The following GPR160 variants were observed in gnomAD, a reference collection of about 807,000 sequenced individuals.
The protein encoded by GPR160 is probable G protein-coupled receptor 160.
In GPR160, 2 loss-of-function variants were observed where a neutral mutation model predicts 2.6. The observed-to-expected ratio is 0.77, with a 90% CI of 0.32 to 2.44. The LOEUF (loss-of-function observed/expected upper bound fraction) is 2.44, where lower values mean the gene tolerates loss of function less well. GPR160 is among the 30% of genes most tolerant of loss of function. The probability of loss-of-function intolerance (pLI) is 0.11; values close to 1 mark genes in which losing one functional copy is unlikely to be tolerated. For synonymous variants in GPR160, 130 were observed against 132.2 expected, an observed-to-expected ratio of 0.98 and a Z score of 0.12; for missense variants, 351 against 383.6, an observed-to-expected ratio of 0.91 and a Z score of 0.71.
rs1161096346 is a variant in GPR160, at chr3:170,038,256, C to T, written c.-322+41C>T. 6.6e-6 allele frequency: 1 copy of T among 152,130 alleles called. No individual in the cohort carries two copies. Among genetic ancestry groups the T allele is most frequent in the African/African-American group, 2.4e-5 (1 of 41,454 alleles). 9.4% of individuals were successfully genotyped at this position (152,130 alleles called of 1,614,324 possible). A position where few individuals can be genotyped will look rare whatever the true frequency, so the allele number is the denominator to read the frequency against. On this transcript the variant is annotated intron_variant, in intron 1 of 3. Coordinates refer to ENST00000355897, the MANE Select transcript of GPR160 (RefSeq NM_014373.3). The surrounding 1 kb of genome is among the most constrained non-coding windows in gnomAD (Gnocchi z 5.3). Reference sequence around the variant, plus strand: ...GGTGGAGGGCGCCCGGCGCTCTCGCCACCGGCGTCCCAGCCTCGGGGCGGC... The same window carrying T: ...GGTGGAGGGCGCCCGGCGCTCTCGCTACCGGCGTCCCAGCCTCGGGGCGGC...
chr3:170,046,485 C>A (rs1277093009), intron 2 of GPR160, among the ~76,000 whole-genome samples: 1 of 152,174 alleles, frequency 6.6e-6, no homozygotes, highest in Non-Finnish European at 1.5e-5. Flanking sequence ...GCCAGGTCTT[C>A]TGGGCAGCCA....
intron 2 of GPR160, among the ~76,000 whole-genome samples, chr3:170,069,087 G>A (rs1197540689): frequency 6.6e-6 from 1 of 152,178 alleles, no homozygotes; most frequent in East Asian, 1.9e-4. Context: ...CCTGTTATCA[G>A]TATGATGCTC....
chr3:170,043,616 A>G (rs1168982389), intron 2 of GPR160, among the ~76,000 whole-genome samples: 1 of 152,170 alleles, frequency 6.6e-6, no homozygotes, highest in Non-Finnish European at 1.5e-5. Flanking sequence ...GCTCTGTCAG[A>G]TTTGACAGTC....
intron 2 of GPR160, among the ~76,000 whole-genome samples, chr3:170,070,508 T>C (rs1712538416): frequency 6.6e-6 from 1 of 152,230 alleles, no homozygotes; most frequent in Non-Finnish European, 1.5e-5. Flanking sequence ...AGTTTCCAAA[T>C]TTTATCATTC....
At position 170,084,682 on chromosome 3, in the gene GPR160, A is replaced by C. The variant is rs758830676; in HGVS notation, c.710A>C (p.Lys237Thr). The change falls in exon 4 of 4, where the codon AAA becomes ACA. Residue 237 changes from lysine to threonine, a missense_variant. By Grantham distance (78) the Lys-to-Thr change is moderately conservative. Transcript: ENST00000355897. The part of the protein sequence containing the change: ...SSHSSYTVRS[K>T]KIFLSKLIVC... ...CACTCCAGTTATACTGTGAGATCTAAAAAAATATTCTTATCCAAGCTCATT... is the reference window on the plus strand; with the variant it reads ...CACTCCAGTTATACTGTGAGATCTACAAAAATATTCTTATCCAAGCTCATT... 5.6e-6 allele frequency: 9 copies of C among 1,611,936 alleles called. No homozygotes were observed. In the East Asian group the frequency reaches 2.0e-4, roughly 36 times the overall value.
At chr3:170,054,922 T>G (rs1484450868) in intron 2 of GPR160, among the ~76,000 whole-genome samples, 1 of 152,080 alleles carries the variant, frequency 6.6e-6, no homozygotes, top group Non-Finnish European at 1.5e-5. Flanking sequence ...GCCTCCCTAG[T>G]AGCTGGGATT....
intron 2 of GPR160, among the ~76,000 whole-genome samples, chr3:170,042,667 A>G (rs985651117): frequency 6.9e-6 from 1 of 144,058 alleles, no homozygotes; most frequent in African/African-American, 2.6e-5. Flanking sequence ...CATCTCTACA[A>G]AAAAAAAAAA....
intron 2 of GPR160, among the ~76,000 whole-genome samples, chr3:170,078,354 G>C (rs1467757125): frequency 6.6e-6 from 1 of 152,100 alleles, no homozygotes; most frequent in Non-Finnish European, 1.5e-5. Flanking sequence ...TGCCACAGAG[G>C]AGACAGAGGT....
At chr3:170,073,957 C>T (rs548350902) in intron 2 of GPR160, among the ~76,000 whole-genome samples, 11 of 141,612 alleles carry the variant, frequency 7.8e-5, no homozygotes, top group East Asian at 4.2e-4. Context: ...GGCACAATCT[C>T]GGCTCACTGC....
intron 2 of GPR160, among the ~76,000 whole-genome samples, chr3:170,064,893 A>T (rs953279955): frequency 1.3e-5 from 2 of 152,176 alleles, no homozygotes; most frequent in Non-Finnish European, 2.9e-5. Context: ...GTCCCAGGTA[A>T]ATCTGAATGG....
intron 2 of GPR160, among the ~76,000 whole-genome samples, chr3:170,041,446 C>T (rs965824650): frequency 6.6e-6 from 1 of 152,020 alleles, no homozygotes; most frequent in Non-Finnish European, 1.5e-5. Flanking sequence ...GGACTACAGG[C>T]GCCCGCCACC....
intron 2 of GPR160, among the ~76,000 whole-genome samples, chr3:170,054,278 A>G (rs1711528372): frequency 6.6e-6 from 1 of 152,068 alleles, no homozygotes. Context: ...AAAGAAGACC[A>G]TCCCAGGCAG....
At chr3:170,043,411 G>A (rs1184734564) in intron 2 of GPR160, among the ~76,000 whole-genome samples, 3 of 152,046 alleles carry the variant, frequency 2.0e-5, no homozygotes, top group Non-Finnish European at 1.5e-5. Flanking sequence ...CGGAACTCTC[G>A]ACCTCAGGTG....
At chr3:170,076,836 A>G (rs372666104) in intron 2 of GPR160, among the ~76,000 whole-genome samples, 53 of 147,124 alleles carry the variant, frequency 3.6e-4, no homozygotes, top group African/African-American at 1.3e-3. Flanking sequence ...GAGCCACCAC[A>G]TGTTGGTTTT....
At chr3:170,081,869 TC>T (rs1201436787) in intron 3 of GPR160, among the ~76,000 whole-genome samples, 1 of 152,232 alleles carries the variant, frequency 6.6e-6, no homozygotes, top group Non-Finnish European at 1.5e-5. Flanking sequence ...GATGATGGAC[TC>T]CAACTCCATC....
intron 2 of GPR160, among the ~76,000 whole-genome samples, chr3:170,069,146 C>T (rs2108336746): frequency 6.6e-6 from 1 of 152,324 alleles, no homozygotes; most frequent in Non-Finnish European, 1.5e-5. Flanking sequence ...TTATCTTCCC[C>T]AGAGGGGAAA....
intron 2 of GPR160, among the ~76,000 whole-genome samples, chr3:170,067,946 C>T (rs183450522): frequency 7.6e-4 from 115 of 152,176 alleles, no homozygotes; most frequent in African/African-American, 2.5e-3. Context: ...AAACTGGCAG[C>T]TGGATTCAGA....
In GPR160 at chr3:170,084,387, TATTTC is replaced by T; in HGVS notation, c.416_420del (p.Tyr139PhefsTer79). Reference sequence around the variant, plus strand: ...TTCATTTAAGTGTCAAAAATTATTTTATTTCTTTACAGTAATTTTAATTTGGATTT... The same window carrying T: ...TTCATTTAAGTGTCAAAAATTATTTTTTTACAGTAATTTTAATTTGGATTT... On this transcript the variant is annotated frameshift_variant, in exon 4 of 4. Transcript: ENST00000355897. LOFTEE classifies it low-confidence loss of function (END_TRUNC). 1 of 1,607,580 alleles carries T rather than the reference TATTTC, an allele frequency of 6.2e-7. No individual in the cohort carries two copies. The highest frequency in any genetic ancestry group is 8.5e-7 in the Non-Finnish European group (1 of 1,174,672).
chr3:170,073,146 C>T (rs1238986347), intron 2 of GPR160, among the ~76,000 whole-genome samples: 1 of 151,942 alleles, frequency 6.6e-6, no homozygotes, highest in Admixed American at 6.6e-5. Context: ...TTTGATTGCA[C>T]CACAGCACTC....
Sources: gnomAD v4.1 joint callset for allele counts (sites outside exome capture counted in the v4.1 genomes callset) on GRCh38, gnomAD v4.1.1 for gene constraint, Gnocchi (gnomAD v3.1) non-coding constraint, MANE v1.5 for transcripts, NCBI Gene and HGNC (gene_info 2026-07-23, HGNC 2026-07-21) for gene names.